Variants in TENM3 observed in about 807,000 individuals in gnomAD.
TENM3 encodes the protein teneurin transmembrane protein 3, also known as teneurin-3.
TENM3 carries 63 observed loss-of-function variants against 255.1 expected under a neutral mutation model. That is an observed-to-expected ratio of 0.25 (90% CI 0.20 to 0.30). TENM3 has a LOEUF of 0.30. Ranked by LOEUF, TENM3 falls within the 10% of genes least tolerant of loss-of-function variation. TENM3 has a pLI of 1.00. For missense variants in TENM3, 2,929 were observed against 3,461.1 expected, an observed-to-expected ratio of 0.85 and a Z score of 3.86; for synonymous variants, 1,306 against 1,322.3, an observed-to-expected ratio of 0.99 and a Z score of 0.27.
At chr4:181,525,935 T>C in the TENM3 span, among the ~76,000 whole-genome samples, 19,796 of 152,158 alleles carry the variant, frequency 0.13, 1,364 homozygotes, top group East Asian at 0.2. Context: ...CTGATTTTTT[T>C]CCAGTGGAGG....
intron 3 of TENM3, among the ~76,000 whole-genome samples, chr4:182,386,869 C>G (rs1453218822): frequency 1.1e-4 from 16 of 152,242 alleles, no homozygotes; most frequent in Admixed American, 1.0e-3. Context: ...CGAGCCTCCC[C>G]GACGAATGCC....
At chr4:182,053,251 A>G in the TENM3 span, among the ~76,000 whole-genome samples, 2 of 152,180 alleles carry the variant, frequency 1.3e-5, no homozygotes, top group Admixed American at 6.5e-5. Flanking sequence ...CATATTTCCC[A>G]TTCATTATCT....
chr4:182,769,034 T>C (rs765962387), intron 22 of TENM3, among the ~76,000 whole-genome samples: 1 of 152,186 alleles, frequency 6.6e-6, no homozygotes, highest in Non-Finnish European at 1.5e-5. Context: ...AAAGGAAAAC[T>C]ACCTCTCAAA....
At chr4:182,067,736 T>C in the TENM3 span, among the ~76,000 whole-genome samples, 2 of 152,188 alleles carry the variant, frequency 1.3e-5, no homozygotes, top group Non-Finnish European at 2.9e-5. Context: ...GGGACTCCCT[T>C]GCTCTGCTCA....
At chr4:181,484,621 A>G in the TENM3 span, among the ~76,000 whole-genome samples, 5 of 152,284 alleles carry the variant, frequency 3.3e-5, no homozygotes, top group Non-Finnish European at 7.4e-5. Flanking sequence ...TTAACCTTAC[A>G]GTAAGTGTTT....
the TENM3 span, among the ~76,000 whole-genome samples, chr4:181,461,756 TTTC>T: frequency 6.6e-6 from 1 of 152,204 alleles, no homozygotes; most frequent in East Asian, 1.9e-4. Flanking sequence ...ATGTTTGTGT[TTTC>T]TTCAACATCC....
At chr4:182,603,784 T>TATATATATATATATATATATATATAC (rs58332965) in intron 4 of TENM3, among the ~76,000 whole-genome samples, 16 of 134,192 alleles carry the variant, frequency 1.2e-4, no homozygotes, top group East Asian at 4.7e-4. Flanking sequence ...TATATATATA[T>TATATATATATATATATATATATATAC]ACACACACAC....
chr4:181,474,953 GA>G, the TENM3 span, among the ~76,000 whole-genome samples: 1 of 152,006 alleles, frequency 6.6e-6, no homozygotes, highest in Non-Finnish European at 1.5e-5. Flanking sequence ...CTAAGCGTAT[GA>G]AAAACACTAA....
intron 1 of TENM3, among the ~76,000 whole-genome samples, chr4:182,163,237 C>G (rs78831702): frequency 6.6e-6 from 1 of 152,266 alleles, no homozygotes; most frequent in African/African-American, 2.4e-5. Context: ...TCCTGCCACC[C>G]GTCTTTCGTC....
chr4:182,162,912 A>G (rs1189565611), intron 1 of TENM3, among the ~76,000 whole-genome samples: 1 of 152,174 alleles, frequency 6.6e-6, no homozygotes, highest in Non-Finnish European at 1.5e-5. Context: ...TTAACTTTCA[A>G]TATGAACTTC....
intron 3 of TENM3, among the ~76,000 whole-genome samples, chr4:182,402,286 TA>T (rs1769262959): frequency 6.6e-6 from 1 of 152,228 alleles, no homozygotes; most frequent in African/African-American, 2.4e-5. Context: ...ACCTTTATGT[TA>T]ATTATTTCTA....
the TENM3 span, among the ~76,000 whole-genome samples, chr4:181,785,106 G>A: frequency 6.6e-6 from 1 of 152,190 alleles, no homozygotes; most frequent in South Asian, 2.1e-4. Context: ...CTTAAGGGGA[G>A]AGTGAGTTCT....
At chr4:182,652,897 C>T (rs892981655) in intron 5 of TENM3, among the ~76,000 whole-genome samples, 3 of 152,138 alleles carry the variant, frequency 2.0e-5, no homozygotes, top group African/African-American at 7.2e-5. Context: ...CTGTGCAGCA[C>T]AAATGAATGT....
At chr4:181,562,363 A>G in the TENM3 span, among the ~76,000 whole-genome samples, 3 of 152,138 alleles carry the variant, frequency 2.0e-5, no homozygotes, top group African/African-American at 7.2e-5. Flanking sequence ...ACTTTAATGT[A>G]CTATATCAGC....
At chr4:182,718,420 G>A (rs185768945) in intron 13 of TENM3, among the ~76,000 whole-genome samples, 1 of 152,062 alleles carries the variant, frequency 6.6e-6, no homozygotes, top group Non-Finnish European at 1.5e-5. Context: ...GTGTGGCCTG[G>A]GCCTGAGCCT....
chr4:182,130,287 C>T, the TENM3 span, among the ~76,000 whole-genome samples: 2 of 152,144 alleles, frequency 1.3e-5, no homozygotes, highest in East Asian at 1.9e-4. Flanking sequence ...TATAGGTGAA[C>T]GTGACACAAA....
the TENM3 span, among the ~76,000 whole-genome samples, chr4:181,841,985 T>C: frequency 3.9e-5 from 6 of 152,204 alleles, no homozygotes; most frequent in African/African-American, 9.6e-5. Flanking sequence ...ATTCCATATC[T>C]ATATATGTGG....
chr4:182,299,016 A>AAGAGGTAAT (rs1554045594), intron 1 of TENM3, among the ~76,000 whole-genome samples: 12 of 102,332 alleles, frequency 1.2e-4, no homozygotes, highest in East Asian at 7.6e-4. Context: ...AAAAAAAAAA[A>AAGAGGTAAT]GAGGTAATGG....
intron 11 of TENM3, among the ~76,000 whole-genome samples, chr4:182,683,751 A>G (rs1013111922): frequency 6.6e-6 from 1 of 152,182 alleles, no homozygotes; most frequent in Admixed American, 6.5e-5. Context: ...CCTGTAGATA[A>G]TAAGTCAGAG....
Sources: gnomAD v4.1 joint callset for allele counts (sites outside exome capture counted in the v4.1 genomes callset) on GRCh38, gnomAD v4.1.1 for gene constraint, MANE v1.5 for transcripts, NCBI Gene and HGNC (gene_info 2026-07-23, HGNC 2026-07-21) for gene names.